DYNC1I1: variants seen among roughly 807,000 people sequenced by gnomAD.
DYNC1I1 encodes dynein cytoplasmic 1 intermediate chain 1, also known as cytoplasmic dynein 1 intermediate chain 1.
In DYNC1I1, 43 loss-of-function variants were observed where a neutral mutation model predicts 86.6. That is an observed-to-expected ratio of 0.50 (90% confidence interval 0.39 to 0.64). The LOEUF is 0.64. DYNC1I1 is among the 30% of genes least tolerant of loss of function. DYNC1I1 has a pLI of 0.00. For missense variants in DYNC1I1, 604 were observed against 788.8 expected (o/e 0.77, Z 2.81); for synonymous variants, 262 against 283.7 (o/e 0.92, Z 0.77).
chr7:95,831,381 G>C (rs1163065348), intron 5 of DYNC1I1, among the ~76,000 whole-genome samples: 1 of 151,954 alleles, frequency 6.6e-6, no homozygotes, highest in Non-Finnish European at 1.5e-5. Context: ...TTTTTGCTTT[G>C]TTTTATTTTG....
At chr7:95,892,924 T>A (rs1790782136) in intron 6 of DYNC1I1, among the ~76,000 whole-genome samples, 1 of 152,214 alleles carries the variant, frequency 6.6e-6, no homozygotes, top group South Asian at 2.1e-4. Context: ...AGTGGCAGGC[T>A]CCATGGCCTC....
chr7:96,036,182 G>C (rs1047608098), intron 13 of DYNC1I1, among the ~76,000 whole-genome samples: 1 of 152,126 alleles, frequency 6.6e-6, no homozygotes, highest in Non-Finnish European at 1.5e-5. Flanking sequence ...TCAAGAGCCA[G>C]CACAGAGATC....
intron 10 of DYNC1I1, 128 bp from the exon 11 acceptor site, chr7:96,028,047 A>G: frequency 7.5e-7 from 1 of 1,337,324 alleles, no homozygotes; most frequent in Non-Finnish European, 1.0e-6. Context: ...TTACAGTCCC[A>G]GCTTTAAATT....
At chr7:96,038,691 CATT>C (rs1192051719) in intron 13 of DYNC1I1, among the ~76,000 whole-genome samples, 1 of 152,110 alleles carries the variant, frequency 6.6e-6, no homozygotes, top group African/African-American at 2.4e-5. Flanking sequence ...AAAGAGAAAA[CATT>C]ATTTTCTCCA....
At position 95,823,952 on chromosome 7, in the gene DYNC1I1, C is replaced by CTATATATATATATATATA. The variant is rs71127429; in HGVS notation, c.315-4095_315-4078dup. The stretch of plus-strand genomic sequence containing the variant: ...TTACTTTCAGATTTGTTCTACTAAA[C>CTATATATATATATATATA]TATATATATATATATATATATATAT... On this transcript the variant is annotated intron_variant, in intron 4 of 16. Coordinates refer to ENST00000447467, the MANE Select transcript of DYNC1I1 (RefSeq NM_001135556.2). 1.9e-3 allele frequency among the ~76,000 whole-genome samples: 147 copies of CTATATATATATATATATA among 77,832 alleles called. 4 individuals carry two copies. Among genetic ancestry groups the CTATATATATATATATATA allele is most frequent in the African/African-American group, 7.8e-3 (117 of 15,088 alleles). 51.1% of individuals were successfully genotyped at this position (77,832 alleles called of 152,430 possible). A position where few individuals can be genotyped will look rare whatever the true frequency, so the allele number is the denominator to read the frequency against.
At chr7:95,773,162 G>A (rs1341948295) in intron 1 of DYNC1I1, among the ~76,000 whole-genome samples, 1 of 152,228 alleles carries the variant, frequency 6.6e-6, no homozygotes, top group East Asian at 1.9e-4. Context: ...GACTGCCCCT[G>A]GAGGAGGGGG....
rs201240633 is a variant in DYNC1I1, at chr7:96,028,189, G to C, written c.984G>C (p.Ser328=). 304 of 1,613,216 alleles carry C rather than the reference G, an allele frequency of 1.9e-4. No individual in the cohort carries two copies. Among genetic ancestry groups the C allele is most frequent in the Non-Finnish European group, 2.5e-4 (294 of 1,179,678 alleles). The change falls in exon 11 of 17, where the codon TCG becomes TCC. Residue 328 remains serine, a synonymous_variant. Transcript: ENST00000447467. ...YVFHCQSSVM[S]VCFARFHPNL... ...TTCCCTGACAGTCCTCTGTGATGTCGGTCTGCTTCGCCCGTTTCCATCCTA... is the reference window on the plus strand; with the variant it reads ...TTCCCTGACAGTCCTCTGTGATGTCCGTCTGCTTCGCCCGTTTCCATCCTA...
At chr7:95,844,125 C>T (rs901835534) in intron 5 of DYNC1I1, among the ~76,000 whole-genome samples, 8 of 152,256 alleles carry the variant, frequency 5.3e-5, no homozygotes, top group African/African-American at 1.9e-4. Context: ...AGAAAAGATT[C>T]TCAACTTTAT....
At chr7:96,037,149 C>G (rs1333770126) in intron 13 of DYNC1I1, among the ~76,000 whole-genome samples, 1 of 152,134 alleles carries the variant, frequency 6.6e-6, no homozygotes, top group Non-Finnish European at 1.5e-5. Flanking sequence ...CTGTTCTGCA[C>G]GTAGAAACAA....
chr7:96,062,628 T>TAAGAG (rs996795814), intron 14 of DYNC1I1, among the ~76,000 whole-genome samples: 66 of 152,278 alleles, frequency 4.3e-4, no homozygotes, highest in African/African-American at 1.5e-3. Flanking sequence ...ATCCTATTGT[T>TAAGAG]AAGAGAACTG....
chr7:95,893,630 C>T (rs1406250675), intron 6 of DYNC1I1, among the ~76,000 whole-genome samples: 1 of 152,156 alleles, frequency 6.6e-6, no homozygotes, highest in Non-Finnish European at 1.5e-5. Context: ...CTTGCTGGCA[C>T]TCCATGAATG....
intron 5 of DYNC1I1, among the ~76,000 whole-genome samples, chr7:95,848,910 C>A (rs1789506767): frequency 6.6e-6 from 1 of 151,992 alleles, no homozygotes; most frequent in Non-Finnish European, 1.5e-5. Flanking sequence ...TCCTTCTGAT[C>A]ATAGCCATTC....
chr7:96,035,790 A>G (rs1794914852), intron 13 of DYNC1I1, 38 bp downstream of exon 13: 2 of 1,602,752 alleles, frequency 1.2e-6, no homozygotes, highest in Non-Finnish European at 1.7e-6. Context: ...CATGTTCTTC[A>G]TTTCCGAAAG....
At chr7:96,061,620 C>T (rs934787373) in intron 14 of DYNC1I1, among the ~76,000 whole-genome samples, 13 of 151,948 alleles carry the variant, frequency 8.6e-5, no homozygotes, top group Non-Finnish European at 1.5e-4. Context: ...GAGCCGTTCA[C>T]CCCCAGAGTG....
intron 7 of DYNC1I1, among the ~76,000 whole-genome samples, chr7:95,980,222 G>A (rs750067097): frequency 5.9e-4 from 89 of 152,016 alleles, no homozygotes; most frequent in Non-Finnish European, 1.1e-3. Context: ...CTGCTGCACT[G>A]TATGCCTTAT....
intron 6 of DYNC1I1, among the ~76,000 whole-genome samples, chr7:95,926,974 C>G (rs1385510668): frequency 6.6e-6 from 1 of 152,030 alleles, no homozygotes; most frequent in Middle Eastern, 3.2e-3. Flanking sequence ...GAATTGTAAT[C>G]CAAATTTCGA....
chr7:95,964,640 C>T (rs1262713264), intron 6 of DYNC1I1, among the ~76,000 whole-genome samples: 2 of 152,072 alleles, frequency 1.3e-5, no homozygotes, highest in African/African-American at 2.4e-5. Context: ...TATGAACAGA[C>T]AATAAATACA....
intron 5 of DYNC1I1, among the ~76,000 whole-genome samples, chr7:95,855,663 TG>T (rs1789700331): frequency 6.6e-6 from 1 of 152,224 alleles, no homozygotes; most frequent in African/African-American, 2.4e-5. Context: ...TATAGCCTAT[TG>T]CTCTTAGGCT....
chr7:96,077,865 C>G (rs1459608707), intron 15 of DYNC1I1, among the ~76,000 whole-genome samples: 1 of 152,070 alleles, frequency 6.6e-6, no homozygotes, highest in Non-Finnish European at 1.5e-5. Context: ...TTTTTCCCTT[C>G]TCTTTCTCTA....
Sources: gnomAD v4.1 joint callset for allele counts (sites outside exome capture counted in the v4.1 genomes callset) on GRCh38, gnomAD v4.1.1 for gene constraint, MANE v1.5 for transcripts, NCBI Gene and HGNC (gene_info 2026-07-23, HGNC 2026-07-21) for gene names.